CTNNB1: variants seen among roughly 807,000 people sequenced by gnomAD.
CTNNB1 encodes catenin beta 1.
CTNNB1 carries 6 observed loss-of-function variants against 82.5 expected under a neutral mutation model. The ratio of observed to expected loss-of-function variants is 0.07; its 90% CI spans 0.04 to 0.14. CTNNB1 has a LOEUF of 0.14. CTNNB1 is among the 10% of genes least tolerant of loss of function. CTNNB1 has a pLI of 1.00. For synonymous variants in CTNNB1, 312 were observed against 329.7 expected, an observed-to-expected ratio of 0.95 and a Z score of 0.58; for missense variants, 529 against 980.4, an observed-to-expected ratio of 0.54 and a Z score of 6.15.
rs778834508 is a variant in CTNNB1, at chr3:41,236,433, G to T, written c.1888G>T (p.Ala630Ser). The change falls in exon 12 of 15, where the codon GCT (alanine) becomes TCT (serine). Residue 630 changes from alanine (A) to serine (S), a missense_variant. By Grantham distance (99) the Ala-to-Ser change is moderately conservative. Around this residue, in one of 4 missense-constraint regions of CTNNB1, gnomAD observed 411 missense variants for 776.4 expected, o/e 0.53. Transcript: ENST00000349496. ...ELAQDKEAAE[A>S]IEAEGATAPL... Reference sequence around the variant, plus strand: ...TGCTCAGGACAAGGAAGCTGCAGAAGCTATTGAAGCTGAGGGAGCCACAGC... The same window carrying T: ...TGCTCAGGACAAGGAAGCTGCAGAATCTATTGAAGCTGAGGGAGCCACAGC... 5.6e-6 allele frequency: 9 copies of T among 1,614,232 alleles called. No homozygotes were observed. Among genetic ancestry groups the T allele is most frequent in the Non-Finnish European group, 5.9e-6 (7 of 1,180,038 alleles).
intron 1 of CTNNB1, among the ~76,000 whole-genome samples, chr3:41,204,647 C>T (rs1358351191): frequency 6.6e-6 from 1 of 152,158 alleles, no homozygotes; most frequent in Non-Finnish European, 1.5e-5. Context: ...ATTTCTTTCC[C>T]CTAAGTGGGA....
intron 7 of CTNNB1, among the ~76,000 whole-genome samples, chr3:41,228,394 T>C (rs2078227950): frequency 6.6e-6 from 1 of 152,236 alleles, no homozygotes; most frequent in Non-Finnish European, 1.5e-5. Flanking sequence ...ATTTTTTGAC[T>C]TTTTATTAGT....
rs1159520578 is a variant in CTNNB1 at position 41,224,590 on chromosome 3, G to C, written c.78G>C (p.Gln26His). 1 of 1,613,784 alleles carries C rather than the reference G, an allele frequency of 6.2e-7. No homozygotes were observed. Among genetic ancestry groups the C allele is most frequent in the Non-Finnish European group, 8.5e-7 (1 of 1,179,958 alleles). Residue 26 changes from glutamine (Q) to histidine (H), a missense_variant, in exon 3 of 15, where the codon CAG (glutamine) becomes CAC (histidine). Coordinates refer to ENST00000349496, the MANE Select transcript of CTNNB1 (RefSeq NM_001904.4). ...PDRKAAVSHW[Q>H]QQSYLDSGIH... is the part of the protein sequence containing the mutation. ...GAAAAGCGGCTGTTAGTCACTGGCA[G>C]CAACAGTCTTACCTGGACTCTGGAA...
At chr3:41,237,835 A>C in intron 13 of CTNNB1, 181 bp from the exon 14 acceptor site, 1 of 609,200 alleles carries the variant, frequency 1.6e-6, no homozygotes, top group Non-Finnish European at 2.9e-6. Flanking sequence ...TGCAAAGAGA[A>C]AAAAAAATGT....
chr3:41,238,595 C>T (rs911147696), intron 14 of CTNNB1: 1 of 195,668 alleles, frequency 5.1e-6, no homozygotes, highest in African/African-American at 2.4e-5. Context: ...ATTATGAAAC[C>T]ACTAAAGCGC....
At chr3:41,212,889 TTAGTC>T (rs1198896306) in intron 1 of CTNNB1, among the ~76,000 whole-genome samples, 1 of 152,212 alleles carries the variant, frequency 6.6e-6, no homozygotes, top group East Asian at 1.9e-4. Context: ...AAATATTTCT[TTAGTC>T]TAACTACTAC....
intron 10 of CTNNB1, 119 bp from the exon 11 acceptor site, chr3:41,235,605 A>G (rs2078415604): frequency 7.5e-7 from 1 of 1,337,414 alleles, no homozygotes. Flanking sequence ...TCCTTCCTGA[A>G]CTAATTGCAA....
chr3:41,217,250 A>G (rs952847328), intron 1 of CTNNB1, among the ~76,000 whole-genome samples: 2 of 152,092 alleles, frequency 1.3e-5, no homozygotes, highest in African/African-American at 4.8e-5. Flanking sequence ...TCTCTTCCTC[A>G]CAGGCCTTCC....
In CTNNB1 at chr3:41,234,052, A is replaced by G; in HGVS notation, c.1525-87A>G. On this transcript the variant is annotated intron_variant, in intron 9 of 14. Transcript: ENST00000349496. ...GTGTAGTCAGAACTACTTTTAGTTGATACCAATAGATTTAGTGTGGTGGGA... is the reference window on the plus strand; with the variant it reads ...GTGTAGTCAGAACTACTTTTAGTTGGTACCAATAGATTTAGTGTGGTGGGA... The G allele has an allele frequency of 1.9e-6, 3 of 1,561,746 alleles. No homozygotes were observed. In the Admixed American group the frequency reaches 5.0e-5, roughly 26 times the overall value.
In CTNNB1 at chr3:41,240,279, A is replaced by C. The variant is rs1458263107; in HGVS notation, c.*937A>C. 2 of 192,674 alleles carry C rather than the reference A, an allele frequency of 1.0e-5. No homozygotes were observed. The highest frequency in any genetic ancestry group is 2.2e-5 in the Non-Finnish European group (2 of 91,966). The allele number at this position is 192,674 out of a possible 1,614,324, so 11.9% of individuals were successfully genotyped here. On this transcript the variant is annotated 3_prime_UTR_variant, in exon 15 of 15. Coordinates refer to ENST00000349496, the MANE Select transcript of CTNNB1 (RefSeq NM_001904.4). ...TTTTTGATCAAAAACTATTTGGGATATGTATGGGTAGGGTAAATCAGTAAG... is the reference window on the plus strand; with the variant it reads ...TTTTTGATCAAAAACTATTTGGGATCTGTATGGGTAGGGTAAATCAGTAAG...
intron 1 of CTNNB1, among the ~76,000 whole-genome samples, chr3:41,206,370 C>G (rs1457219706): frequency 1.3e-5 from 2 of 152,128 alleles, no homozygotes; most frequent in Admixed American, 6.5e-5. Flanking sequence ...TGATAAGCTT[C>G]TCTTACTAAC....
chr3:41,224,415 A>G, intron 2 of CTNNB1, 111 bp from the exon 3 acceptor site: 1 of 1,159,806 alleles, frequency 8.6e-7, no homozygotes, highest in East Asian at 2.6e-5. Flanking sequence ...TGTCTTTCAG[A>G]TTTGACTTTA....
In CTNNB1 at chr3:41,239,646, C is replaced by A. The variant is rs2078527664; in HGVS notation, c.*304C>A. 1 of 469,380 alleles carries A rather than the reference C, an allele frequency of 2.1e-6. No homozygotes were observed. Among genetic ancestry groups the A allele is most frequent in the Non-Finnish European group, 3.9e-6 (1 of 253,782 alleles). 29.1% of individuals were successfully genotyped at this position (469,380 alleles called of 1,614,324 possible). ...GTTTTAAACATTAATAGCAGCCTTTCTCTCTTTATACAGCTGTATTGTCTG... is the reference window on the plus strand; with the variant it reads ...GTTTTAAACATTAATAGCAGCCTTTATCTCTTTATACAGCTGTATTGTCTG... On this transcript the variant is annotated 3_prime_UTR_variant, in exon 15 of 15. Coordinates refer to ENST00000349496, the MANE Select transcript of CTNNB1 (RefSeq NM_001904.4).
Position 41,236,366 on chromosome 3 carries a change from T to A in CTNNB1, c.1821T>A (p.Ile607=), listed in dbSNP as rs767272142. The part of the protein sequence containing the change: ...PLFVQLLYSP[I]ENIQRVAAGV... ...CTCCTTAGCTGCTTTATTCTCCCAT[T>A]GAAAACATCCAAAGAGTAGCTGCAG... Residue 607 remains isoleucine, a synonymous_variant, in exon 12 of 15, where the codon ATT becomes ATA. Coordinates refer to ENST00000349496, the MANE Select transcript of CTNNB1 (RefSeq NM_001904.4). The A allele has an allele frequency of 6.2e-7, 1 of 1,614,212 alleles. No homozygotes were observed. Among genetic ancestry groups the A allele is most frequent in the Admixed American group, 1.7e-5 (1 of 60,036 alleles).
chr3:41,200,217 T>C (rs990850587), intron 1 of CTNNB1: 2 of 152,356 alleles, frequency 1.3e-5, no homozygotes, highest in African/African-American at 4.8e-5. Flanking sequence ...TTCTTAAGAA[T>C]AGAAGTGTTA....
At chr3:41,220,171 C>T (rs2078009429) in intron 1 of CTNNB1, among the ~76,000 whole-genome samples, 1 of 151,918 alleles carries the variant, frequency 6.6e-6, no homozygotes, top group Admixed American at 6.6e-5. Context: ...CTAATTTTTC[C>T]CAGCCATAAA....
chr3:41,224,383 C>T, intron 2 of CTNNB1, 143 bp from the exon 3 acceptor site: 1 of 890,806 alleles, frequency 1.1e-6, no homozygotes, highest in Non-Finnish European at 1.8e-6. Flanking sequence ...CTAACCCTGG[C>T]TATCATTCTG....
chr3:41,226,440 G>A (rs2078177918), intron 6 of CTNNB1, among the ~76,000 whole-genome samples: 1 of 152,192 alleles, frequency 6.6e-6, no homozygotes, highest in East Asian at 1.9e-4. Context: ...ACCTCTTGGA[G>A]GAAGTGATAG....
At chr3:41,218,947 G>A (rs2077977069) in intron 1 of CTNNB1, among the ~76,000 whole-genome samples, 2 of 152,202 alleles carry the variant, frequency 1.3e-5, no homozygotes. Flanking sequence ...TAAGAAGCTA[G>A]TGTATATTCT....
Sources: gnomAD v4.1 joint callset for allele counts (sites outside exome capture counted in the v4.1 genomes callset) on GRCh38, gnomAD v4.1.1 for gene constraint, gnomAD v4.1.1 regional missense constraint, MANE v1.5 for transcripts, NCBI Gene and HGNC (gene_info 2026-07-23, HGNC 2026-07-21) for gene names.